Variants in SLIT3 observed in about 807,000 individuals in gnomAD.
SLIT3 encodes the protein slit homolog 3 protein.
A neutral mutation model predicts 184.0 loss-of-function variants in SLIT3; 68 were observed. The observed-to-expected ratio is 0.37, with a 90% CI of 0.30 to 0.45. The LOEUF (loss-of-function observed/expected upper bound fraction) is 0.45, where lower values mean the gene tolerates loss of function less well. Among genes scored for constraint, SLIT3 ranks in the 20% least tolerant of loss-of-function variants. The pLI is 1.00. For synonymous variants in SLIT3, 831 were observed against 828.6 expected (o/e 1.00, Z -0.05); for missense variants, 1,707 against 2,026.0 (o/e 0.84, Z 3.02).
At chr5:168,842,900 G>A (rs1758319759) in intron 6 of SLIT3, among the ~76,000 whole-genome samples, 1 of 152,158 alleles carries the variant, frequency 6.6e-6, no homozygotes, top group Admixed American at 6.5e-5. Context: ...AAGGTGATGT[G>A]CTGTGAGCAG....
chr5:169,111,692 C>A (rs965400141), intron 4 of SLIT3, among the ~76,000 whole-genome samples: 4 of 152,180 alleles, frequency 2.6e-5, no homozygotes, highest in African/African-American at 7.2e-5. Flanking sequence ...GTGGAGGTGG[C>A]AGTGGGCCAA....
At chr5:169,264,746 G>A (rs1379388297) in intron 1 of SLIT3, among the ~76,000 whole-genome samples, 1 of 152,152 alleles carries the variant, frequency 6.6e-6, no homozygotes, top group Non-Finnish European at 1.5e-5. Flanking sequence ...CACCACAGGA[G>A]GCATTATTAA....
intron 23 of SLIT3, among the ~76,000 whole-genome samples, chr5:168,717,760 A>T (rs1195018118): frequency 6.6e-6 from 1 of 151,406 alleles, no homozygotes; most frequent in Non-Finnish European, 1.5e-5. Context: ...TCCCAGGTTC[A>T]TGCCATTCTG....
At chr5:169,176,278 C>T (rs1394648017) in intron 4 of SLIT3, among the ~76,000 whole-genome samples, 2 of 152,158 alleles carry the variant, frequency 1.3e-5, no homozygotes, top group Non-Finnish European at 2.9e-5. Context: ...TCTCAGGAAA[C>T]AGTGAGGTTT....
intron 4 of SLIT3, among the ~76,000 whole-genome samples, chr5:169,041,256 C>A (rs538840178): frequency 9.2e-5 from 14 of 152,294 alleles, no homozygotes; most frequent in African/African-American, 3.1e-4. Flanking sequence ...AAACATATAC[C>A]GAGCACATAG....
intron 4 of SLIT3, among the ~76,000 whole-genome samples, chr5:168,916,166 A>C (rs891187064): frequency 6.6e-6 from 1 of 152,224 alleles, no homozygotes; most frequent in Admixed American, 6.5e-5. Context: ...TGTTAAATCT[A>C]AGTGATGGGC....
chr5:168,942,441 C>G (rs1666753776), intron 4 of SLIT3, among the ~76,000 whole-genome samples: 1 of 152,146 alleles, frequency 6.6e-6, no homozygotes, highest in Non-Finnish European at 1.5e-5. Flanking sequence ...TTGTCTTTAA[C>G]CTTGTTCTAT....
chr5:169,080,839 T>C (rs1234408465), intron 4 of SLIT3, among the ~76,000 whole-genome samples: 1 of 152,122 alleles, frequency 6.6e-6, no homozygotes, highest in African/African-American at 2.4e-5. Flanking sequence ...ATGTTGACCC[T>C]AAGAACCACT....
At chr5:168,942,537 A>G (rs1481761699) in intron 4 of SLIT3, among the ~76,000 whole-genome samples, 1 of 152,226 alleles carries the variant, frequency 6.6e-6, no homozygotes, top group Non-Finnish European at 1.5e-5. Context: ...AGACAGAATC[A>G]TTAGTCTACA....
In SLIT3 at chr5:168,780,377, T is replaced by C. The variant is rs199913656; in HGVS notation, c.1151+5530A>G. Among the ~76,000 whole-genome samples the C allele has an allele frequency of 7.9e-5, 12 of 152,360 alleles. No individual in the cohort carries two copies. In the East Asian group the frequency reaches 2.3e-3, roughly 29 times the overall value. On this transcript the variant is annotated intron_variant, in intron 12 of 35. Coordinates refer to ENST00000519560, the MANE Select transcript of SLIT3 (RefSeq NM_003062.4). ...GGGCCCAGGCTCCTGCCAAGAAAGATACTCTGTGGGCCTTCTTTTCCTAAA... is the reference window on the plus strand; with the variant it reads ...GGGCCCAGGCTCCTGCCAAGAAAGACACTCTGTGGGCCTTCTTTTCCTAAA...
chr5:169,045,236 G>A (rs891464609), intron 4 of SLIT3, among the ~76,000 whole-genome samples: 2 of 152,128 alleles, frequency 1.3e-5, no homozygotes, highest in African/African-American at 4.8e-5. Context: ...GGTGACTCCT[G>A]TAGGCTGGAG....
intron 3 of SLIT3, among the ~76,000 whole-genome samples, chr5:169,205,816 G>T (rs1764049303): frequency 6.6e-6 from 1 of 152,218 alleles, no homozygotes; most frequent in Non-Finnish European, 1.5e-5. Flanking sequence ...TCGCAACCAG[G>T]TTACTGAACA....
At chr5:169,182,291 A>C (rs919250141) in intron 4 of SLIT3, among the ~76,000 whole-genome samples, 3 of 152,242 alleles carry the variant, frequency 2.0e-5, no homozygotes, top group Non-Finnish European at 4.4e-5. Flanking sequence ...AGGAGCATGA[A>C]ATTGACTTAA....
intron 11 of SLIT3, 110 bp downstream of exon 11, chr5:168,789,450 A>G: frequency 1.3e-6 from 1 of 765,742 alleles, no homozygotes; most frequent in Non-Finnish European, 2.2e-6. Context: ...ACAAGTGTGT[A>G]AGGGAACATA....
chr5:168,698,440 C>T (rs1762122235), intron 27 of SLIT3, among the ~76,000 whole-genome samples: 1 of 152,088 alleles, frequency 6.6e-6, no homozygotes, highest in South Asian at 2.1e-4. Flanking sequence ...GAGAGGGGTG[C>T]TGCAGCCACA....
At chr5:169,154,204 C>T (rs1442176280) in intron 4 of SLIT3, among the ~76,000 whole-genome samples, 1 of 152,230 alleles carries the variant, frequency 6.6e-6, no homozygotes, top group African/African-American at 2.4e-5. Context: ...TCGTGATCCA[C>T]CCACCTCGGC....
intron 4 of SLIT3, among the ~76,000 whole-genome samples, chr5:169,103,301 G>A (rs1760085399): frequency 6.6e-6 from 1 of 152,218 alleles, no homozygotes; most frequent in African/African-American, 2.4e-5. Context: ...GACAAGTCAA[G>A]CCTGTTTTAT....
At chr5:169,219,258 G>A (rs1205871753) in intron 3 of SLIT3, among the ~76,000 whole-genome samples, 1 of 152,186 alleles carries the variant, frequency 6.6e-6, no homozygotes, top group Non-Finnish European at 1.5e-5. Context: ...GGCAGAATAA[G>A]GTTCCAGTGT....
intron 4 of SLIT3, among the ~76,000 whole-genome samples, chr5:168,909,646 G>C (rs1761190882): frequency 6.6e-6 from 1 of 152,184 alleles, no homozygotes; most frequent in Non-Finnish European, 1.5e-5. Context: ...CCCTGGCCTG[G>C]AGTTTTGAGA....
Sources: gnomAD v4.1 joint callset for allele counts (sites outside exome capture counted in the v4.1 genomes callset) on GRCh38, gnomAD v4.1.1 for gene constraint, MANE v1.5 for transcripts, NCBI Gene and HGNC (gene_info 2026-07-23, HGNC 2026-07-21) for gene names.